Variants in CLDN10 observed in about 807,000 individuals in gnomAD.
CLDN10 encodes the protein claudin-10.
In CLDN10, 15 loss-of-function variants were observed where a neutral mutation model predicts 22.9. The observed-to-expected ratio is 0.65, with a 90% CI of 0.44 to 1.01. The LOEUF is 1.01. Ranked by LOEUF, CLDN10 falls within the 50% of genes least tolerant of loss-of-function variation. The probability of loss-of-function intolerance (pLI) is 0.00; values close to 1 mark genes in which losing one functional copy is unlikely to be tolerated. For missense variants in CLDN10, 247 were observed against 287.8 expected (o/e 0.86, Z 1.03); for synonymous variants, 114 against 111.4 (o/e 1.02, Z -0.15).
At chr13:95,510,501 A>G (rs1254100970) in intron 1 of CLDN10, among the ~76,000 whole-genome samples, 2 of 152,122 alleles carry the variant, frequency 1.3e-5, no homozygotes, top group Non-Finnish European at 2.9e-5. Context: ...TCCCGGGTTA[A>G]TGGTAAATGT....
upstream of CLDN10, among the ~76,000 whole-genome samples, chr13:95,549,103 A>G (rs1019557237): frequency 6.6e-6 from 1 of 152,220 alleles, no homozygotes; most frequent in Admixed American, 6.5e-5. Context: ...GGCTCAGAAT[A>G]TGTTTGAGGG....
intron 1 of CLDN10, among the ~76,000 whole-genome samples, chr13:95,525,898 C>T (rs2043275723): frequency 6.6e-6 from 1 of 152,134 alleles, no homozygotes; most frequent in African/African-American, 2.4e-5. Context: ...TGCGCCTGTA[C>T]TTTCCCATGC....
At chr13:95,439,030 A>C (rs1237563743) in intron 1 of CLDN10, among the ~76,000 whole-genome samples, 1 of 150,856 alleles carries the variant, frequency 6.6e-6, no homozygotes, top group Non-Finnish European at 1.5e-5. Flanking sequence ...CTTGCTAGAG[A>C]AAGAGGGTTT....
chr13:95,487,090 C>T (rs2042812831), intron 1 of CLDN10, among the ~76,000 whole-genome samples: 1 of 152,206 alleles, frequency 6.6e-6, no homozygotes. Context: ...TGGGTGTTCT[C>T]TGCATCTATC....
upstream of CLDN10, chr13:95,552,696 TG>T: frequency 1.3e-6 from 2 of 1,530,502 alleles, no homozygotes; most frequent in East Asian, 2.5e-5. Context: ...GGGTTGGGAG[TG>T]CGGGGGTCGC....
rs71113934 is a variant in CLDN10, at chr13:95,467,038, G to GTTT, written c.214+33001_214+33003dup. Among the ~76,000 whole-genome samples, 38 of 127,584 alleles carry GTTT rather than the reference G, an allele frequency of 3.0e-4. No homozygotes were observed. In the South Asian group the frequency reaches 6.0e-3, roughly 20 times the overall value. The allele number at this position is 127,584 out of a possible 152,430, so 83.7% of individuals were successfully genotyped here. A position where few individuals can be genotyped will look rare whatever the true frequency, so the allele number is the denominator to read the frequency against. Reference sequence around the variant, plus strand: ...ACTACAGGCGCCTGCCACCATGCCCGTTTTTTTTTTTTGTATTTTTAGCAG... The same window carrying GTTT: ...ACTACAGGCGCCTGCCACCATGCCCGTTTTTTTTTTTTTTTGTATTTTTAGCAG... On this transcript the variant is annotated intron_variant, in intron 1 of 4. Transcript: ENST00000376873.
chr13:95,560,701 G>GA (rs1400283904), intron 3 of CLDN10: 2 of 497,858 alleles, frequency 4.0e-6, no homozygotes, highest in Non-Finnish European at 7.2e-6. Flanking sequence ...ATCAAATTTA[G>GA]AACTATAAAC....
At chr13:95,456,488 C>T (rs2042482999) in intron 1 of CLDN10, among the ~76,000 whole-genome samples, 1 of 152,130 alleles carries the variant, frequency 6.6e-6, no homozygotes, top group South Asian at 2.1e-4. Context: ...CATGGTGACT[C>T]ACTCTTGTAA....
intron 1 of CLDN10, among the ~76,000 whole-genome samples, chr13:95,478,171 G>A (rs184468995): frequency 2.8e-4 from 42 of 152,064 alleles, no homozygotes; most frequent in Non-Finnish European, 5.1e-4. Flanking sequence ...AGCTGGACAT[G>A]GTGGTGCATG....
At chr13:95,544,110 T>C (rs986705548) in intron 1 of CLDN10, among the ~76,000 whole-genome samples, 2 of 152,166 alleles carry the variant, frequency 1.3e-5, no homozygotes, top group Admixed American at 6.5e-5. Context: ...GTATACCCAG[T>C]TCTATAATAT....
chr13:95,480,765 T>C (rs531101017), intron 1 of CLDN10, among the ~76,000 whole-genome samples: 1 of 152,262 alleles, frequency 6.6e-6, no homozygotes, highest in South Asian at 2.1e-4. Context: ...AGAACACACG[T>C]TGAGAAATAT....
chr13:95,548,377 AT>A (rs1441028045), upstream of CLDN10, among the ~76,000 whole-genome samples: 1 of 152,238 alleles, frequency 6.6e-6, no homozygotes, highest in Non-Finnish European at 1.5e-5. Flanking sequence ...CACAAGGTAT[AT>A]GGCACTGACT....
intron 1 of CLDN10, among the ~76,000 whole-genome samples, chr13:95,435,552 T>C (rs1322507829): frequency 2.6e-5 from 4 of 152,190 alleles, no homozygotes; most frequent in African/African-American, 7.2e-5. Flanking sequence ...AAGTACCCAT[T>C]TGAGGACTCC....
At chr13:95,469,951 G>A (rs973415859) in intron 1 of CLDN10, among the ~76,000 whole-genome samples, 6 of 152,176 alleles carry the variant, frequency 3.9e-5, no homozygotes, top group African/African-American at 1.2e-4. Context: ...TCTTCTCACC[G>A]TATTCTATTT....
At chr13:95,482,279 A>G (rs2042756818) in intron 1 of CLDN10, among the ~76,000 whole-genome samples, 1 of 152,234 alleles carries the variant, frequency 6.6e-6, no homozygotes, top group South Asian at 2.1e-4. Context: ...CATTTTTTAC[A>G]TAGGCTATAC....
chr13:95,463,494 G>A (rs2042557437), intron 1 of CLDN10, among the ~76,000 whole-genome samples: 1 of 149,594 alleles, frequency 6.7e-6, no homozygotes, highest in African/African-American at 2.5e-5. Context: ...CACCACATCT[G>A]GCTAATTTTT....
chr13:95,472,257 G>C (rs1417651171), intron 1 of CLDN10, among the ~76,000 whole-genome samples: 1 of 152,102 alleles, frequency 6.6e-6, no homozygotes, highest in African/African-American at 2.4e-5. Flanking sequence ...TCCCACTACA[G>C]AGCTCATAAA....
In CLDN10 at chr13:95,561,610, A is replaced by G. The variant is rs142591768; in HGVS notation, c.464+1147A>G. The stretch of plus-strand genomic sequence containing the variant: ...AAGTGATGTGTTCAAGGGAACTTGG[A>G]CCAAACTAGTAGGCTGATTGAACTG... On this transcript the variant is annotated intron_variant, in intron 3 of 4. Coordinates refer to ENST00000299339, the MANE Select transcript of CLDN10 (RefSeq NM_006984.5). Among the ~76,000 whole-genome samples the G allele has an allele frequency of 7.6e-4, 115 of 152,314 alleles. 1 individual carries two copies. The highest frequency in any genetic ancestry group is 2.7e-3 in the African/African-American group (111 of 41,554).
intron 1 of CLDN10, among the ~76,000 whole-genome samples, chr13:95,484,882 A>G (rs866030885): frequency 0.018 from 2,678 of 147,492 alleles, 113 homozygotes; most frequent in African/African-American, 0.061. Context: ...AAAAAAAAAA[A>G]AAAAAAAAAA....
Sources: allele counts gnomAD v4.1 joint callset (sites outside exome capture counted in the v4.1 genomes callset), GRCh38; gene constraint gnomAD v4.1.1; transcripts MANE v1.5; gene names NCBI Gene and HGNC (gene_info 2026-07-23, HGNC 2026-07-21).